PLXDC2: variants seen among roughly 807,000 people sequenced by gnomAD.
The protein encoded by PLXDC2 is plexin domain-containing protein 2.
Under a neutral mutation model 68.9 loss-of-function variants are expected in PLXDC2, and 40 were observed. The ratio of observed to expected loss-of-function variants is 0.58; its 90% CI spans 0.45 to 0.76. PLXDC2 has a LOEUF of 0.76. Ranked by LOEUF, PLXDC2 falls within the 30% of genes least tolerant of loss-of-function variation. The probability of loss-of-function intolerance (pLI) is 0.00; values close to 1 mark genes in which losing one functional copy is unlikely to be tolerated. For synonymous variants in PLXDC2, 243 were observed against 234.2 expected (o/e 1.04, Z -0.34); for missense variants, 644 against 661.9 (o/e 0.97, Z 0.30).
chr10:19,915,488 A>G (rs544462444), intron 1 of PLXDC2, among the ~76,000 whole-genome samples: 5 of 152,126 alleles, frequency 3.3e-5, no homozygotes, highest in East Asian at 1.9e-4. Flanking sequence ...TTTGCTTTCA[A>G]TTATCAGATT....
At chr10:20,020,753 T>C (rs951079963) in intron 2 of PLXDC2, among the ~76,000 whole-genome samples, 1 of 152,218 alleles carries the variant, frequency 6.6e-6, no homozygotes, top group Non-Finnish European at 1.5e-5. Flanking sequence ...GCATATATTA[T>C]TCAATAAACA....
At chr10:19,819,139 T>C (rs999671387) in intron 1 of PLXDC2, among the ~76,000 whole-genome samples, 8 of 152,128 alleles carry the variant, frequency 5.3e-5, no homozygotes, top group African/African-American at 1.9e-4. Flanking sequence ...ATTGGCCATA[T>C]AATTAAAAGC....
At chr10:20,217,361 G>T in intron 10 of PLXDC2, 65 bp from the exon 11 acceptor site, 1 of 1,430,626 alleles carries the variant, frequency 7.0e-7, no homozygotes, top group South Asian at 1.5e-5. Context: ...CAGCTTCTTT[G>T]ATGTAAGTTC....
intron 13 of PLXDC2, among the ~76,000 whole-genome samples, chr10:20,253,348 G>A (rs1188266250): frequency 3.3e-5 from 5 of 149,522 alleles, no homozygotes; most frequent in African/African-American, 4.9e-5. Context: ...CTGAGCAACA[G>A]AGTGAGATTC....
intron 1 of PLXDC2, among the ~76,000 whole-genome samples, chr10:19,906,150 G>A (rs1039494253): frequency 6.6e-6 from 1 of 152,148 alleles, no homozygotes; most frequent in Non-Finnish European, 1.5e-5. Context: ...AAGTGTGAGT[G>A]CATGTGTATA....
chr10:20,164,474 G>T lies in PLXDC2; in HGVS notation c.790G>T (p.Val264Phe), dbSNP rs755697945. The T allele has an allele frequency of 6.2e-7, 1 of 1,611,882 alleles. No individual in the cohort carries two copies. The highest frequency in any genetic ancestry group is 1.1e-5 in the South Asian group (1 of 91,032). ...CTGCTTTGTTTTTTTCCAGATTCCTGTCTTGGTCACACAGATAAGTTCAAC... is the reference window on the plus strand; with the variant it reads ...CTGCTTTGTTTTTTTCCAGATTCCTTTCTTGGTCACACAGATAAGTTCAAC... The part of the protein sequence containing the change: ...RIIFGYKEIP[V>F]LVTQISSTNH... The change falls in exon 7 of 14, where the codon GTC (valine) becomes TTC (phenylalanine). Residue 264 changes from valine (V) to phenylalanine (F), a missense_variant. This residue lies in a region of PLXDC2 where 330 missense variants were observed against 327.9 expected (regional missense o/e 1.01). Transcript: ENST00000377252.
intron 1 of PLXDC2, among the ~76,000 whole-genome samples, chr10:19,994,711 G>A (rs1292854712): frequency 6.6e-6 from 1 of 151,650 alleles, no homozygotes; most frequent in Non-Finnish European, 1.5e-5. Context: ...CGTCTCAGAT[G>A]AGCAGTTAAC....
intron 13 of PLXDC2, among the ~76,000 whole-genome samples, chr10:20,252,300 T>A (rs543317508): frequency 6.6e-6 from 1 of 152,206 alleles, no homozygotes; most frequent in African/African-American, 2.4e-5. Flanking sequence ...GATTTTGAAA[T>A]CTGAGTACAA....
intron 4 of PLXDC2, among the ~76,000 whole-genome samples, chr10:20,140,935 G>A (rs1234854972): frequency 6.6e-6 from 1 of 151,564 alleles, no homozygotes; most frequent in East Asian, 1.9e-4. Flanking sequence ...TAATAGTAGT[G>A]CCAGACATGC....
intron 9 of PLXDC2, among the ~76,000 whole-genome samples, chr10:20,199,031 A>G (rs1834882059): frequency 6.6e-6 from 1 of 152,068 alleles, no homozygotes; most frequent in Non-Finnish European, 1.5e-5. Context: ...TTTATTCTGT[A>G]TAGAATTTTA....
At chr10:20,156,515 A>T (rs1329173943) in intron 6 of PLXDC2, among the ~76,000 whole-genome samples, 1 of 152,150 alleles carries the variant, frequency 6.6e-6, no homozygotes, top group African/African-American at 2.4e-5. Context: ...TTTCTCCCTC[A>T]TGAATTTCTT....
At position 20,270,935 on chromosome 10, in the gene PLXDC2, G is replaced by C. The variant is rs1267544010; in HGVS notation, c.1474-8768G>C. Among the ~76,000 whole-genome samples, 3 of 82,180 alleles carry C rather than the reference G, an allele frequency of 3.7e-5. No homozygotes were observed. The East Asian group carries it at 6.9e-4, about 19-fold the overall frequency. 53.9% of individuals were successfully genotyped at this position (82,180 alleles called of 152,430 possible). A position where few individuals can be genotyped will look rare whatever the true frequency, so the allele number is the denominator to read the frequency against. On this transcript the variant is annotated intron_variant, in intron 13 of 13. Transcript: ENST00000377252. ...GTTTGAGCTGATGGTCAAGAAATTG[G>C]GTATCTTAAAAAAAAAAAACTGGAA...
chr10:19,905,410 C>G (rs12774164), intron 1 of PLXDC2, among the ~76,000 whole-genome samples: 16,254 of 152,142 alleles, frequency 0.11, 867 homozygotes, highest in South Asian at 0.13. Context: ...TATTATTTCT[C>G]CTAACTGGGT....
intron 2 of PLXDC2, among the ~76,000 whole-genome samples, chr10:20,041,828 T>A (rs1835688636): frequency 6.6e-6 from 1 of 152,074 alleles, no homozygotes; most frequent in African/African-American, 2.4e-5. Flanking sequence ...TCCTTCTGTA[T>A]CCTCACATGA....
chr10:20,234,242 C>T (rs761466912), intron 12 of PLXDC2, among the ~76,000 whole-genome samples: 2 of 152,140 alleles, frequency 1.3e-5, no homozygotes, highest in African/African-American at 2.4e-5. Context: ...GTGTCATATG[C>T]CCACACAGCA....
In PLXDC2 at chr10:20,143,436, A is replaced by G; in HGVS notation, c.664+19A>G. The G allele has an allele frequency of 6.2e-7, 1 of 1,610,516 alleles. No individual in the cohort carries two copies. The highest frequency in any genetic ancestry group is 8.5e-7 in the Non-Finnish European group (1 of 1,178,398). On this transcript the variant is annotated intron_variant, in intron 5 of 13. Transcript: ENST00000377252. ...GATAATGGTATGTGTTGAGTAGCCT[A>G]TTTTTTGCTGCATGTATATTTTTAA...
intron 1 of PLXDC2, among the ~76,000 whole-genome samples, chr10:19,859,525 A>T (rs549833271): frequency 1.3e-5 from 2 of 152,152 alleles, no homozygotes; most frequent in African/African-American, 4.8e-5. Flanking sequence ...ATAATATGTA[A>T]TTGAAATTAC....
intron 4 of PLXDC2, among the ~76,000 whole-genome samples, chr10:20,082,509 A>G (rs981574019): frequency 1.3e-5 from 2 of 152,228 alleles, no homozygotes; most frequent in African/African-American, 4.8e-5. Context: ...AGTGAAATGC[A>G]AGTTAAAACT....
chr10:19,871,069 A>C (rs987973446), intron 1 of PLXDC2, among the ~76,000 whole-genome samples: 1 of 152,352 alleles, frequency 6.6e-6, no homozygotes, highest in Non-Finnish European at 1.5e-5. Flanking sequence ...CTTTCTCATC[A>C]CAAGGGATTG....
Sources: allele counts gnomAD v4.1 joint callset (sites outside exome capture counted in the v4.1 genomes callset), GRCh38; gene constraint gnomAD v4.1.1; regional missense constraint gnomAD v4.1.1; transcripts MANE v1.5; gene names NCBI Gene and HGNC (gene_info 2026-07-23, HGNC 2026-07-21).